RIBC2: variants seen among roughly 807,000 people sequenced by gnomAD.
The protein encoded by RIBC2 is RIB43A domain with coiled-coils 2.
RIBC2 carries 40 observed loss-of-function variants against 44.3 expected under a neutral mutation model. The ratio of observed to expected loss-of-function variants is 0.90; its 90% CI spans 0.70 to 1.18. The LOEUF (loss-of-function observed/expected upper bound fraction) is 1.18. RIBC2 is among the 50% of genes most tolerant of loss of function. RIBC2 has a pLI of 0.00. For synonymous variants in RIBC2, 171 were observed against 175.0 expected, an observed-to-expected ratio of 0.98 and a Z score of 0.18; for missense variants, 459 against 485.5, an observed-to-expected ratio of 0.95 and a Z score of 0.51.
chr22:45,422,455 G>T, intron 4 of RIBC2, 47 bp downstream of exon 4: 1 of 1,362,650 alleles, frequency 7.3e-7, no homozygotes, highest in South Asian at 1.2e-5. Context: ...AGGGGAGGAT[G>T]AGCCCACTAC....
At chr22:45,427,930 C>T (rs952078472) in intron 5 of RIBC2, among the ~76,000 whole-genome samples, 46 of 152,232 alleles carry the variant, frequency 3.0e-4, no homozygotes, top group African/African-American at 6.8e-4. Flanking sequence ...CCACCATGCC[C>T]GGCCCTACAG....
chr22:45,425,829 C>A, intron 4 of RIBC2, 119 bp from the exon 5 acceptor site: 1 of 829,266 alleles, frequency 1.2e-6, no homozygotes, highest in Non-Finnish European at 1.9e-6. Flanking sequence ...CTCCACCCGA[C>A]TCCTGCTGCC....
At chr22:45,416,223 TAC>T (rs936598606) in intron 2 of RIBC2, among the ~76,000 whole-genome samples, 1 of 152,182 alleles carries the variant, frequency 6.6e-6, no homozygotes, top group African/African-American at 2.4e-5. Flanking sequence ...ATGAATTAAC[TAC>T]AGTTTCTTCA....
intron 6 of RIBC2, 86 bp from the exon 7 acceptor site, chr22:45,432,198 T>G (rs1602124455): frequency 1.5e-6 from 1 of 686,418 alleles, no homozygotes; most frequent in East Asian, 2.8e-5. Context: ...AATAAAAAGT[T>G]TGTGTGCCTT....
intron 4 of RIBC2, 105 bp downstream of exon 4, chr22:45,422,513 C>T: frequency 1.2e-6 from 1 of 818,034 alleles, no homozygotes; most frequent in Admixed American, 1.9e-5. Flanking sequence ...TCTCAGCCTG[C>T]TCCCTGGTCA....
chr22:45,423,057 C>T (rs187870347), intron 4 of RIBC2, among the ~76,000 whole-genome samples: 193 of 152,282 alleles, frequency 1.3e-3, no homozygotes, highest in Non-Finnish European at 2.4e-3. Flanking sequence ...TCATGGCTCA[C>T]CGCAGCCTCG....
intron 4 of RIBC2, among the ~76,000 whole-genome samples, chr22:45,422,910 C>T (rs990164382): frequency 2.6e-5 from 4 of 152,014 alleles, no homozygotes; most frequent in Non-Finnish European, 5.9e-5. Flanking sequence ...CCCCTCCTCC[C>T]ACACACTCCC....
At chr22:45,421,618 A>G (rs367770253) in intron 3 of RIBC2, among the ~76,000 whole-genome samples, 5 of 147,274 alleles carry the variant, frequency 3.4e-5, no homozygotes, top group South Asian at 2.1e-4. Flanking sequence ...TAATAATGTT[A>G]TTATTCTGCA....
chr22:45,429,868 G>A (rs1182311671), intron 5 of RIBC2, among the ~76,000 whole-genome samples: 2 of 152,160 alleles, frequency 1.3e-5, no homozygotes, highest in Non-Finnish European at 2.9e-5. Context: ...TCCCCACTCA[G>A]AACTACTGCC....
chr22:45,418,477 G>A (rs563437391), intron 3 of RIBC2, among the ~76,000 whole-genome samples: 13 of 152,282 alleles, frequency 8.5e-5, no homozygotes, highest in Admixed American at 3.9e-4. Context: ...ACTGCAGAAA[G>A]CCCCATGTGT....
intron 4 of RIBC2, among the ~76,000 whole-genome samples, chr22:45,424,759 T>TC (rs998146494): frequency 7.4e-5 from 11 of 149,208 alleles, no homozygotes; most frequent in African/African-American, 2.2e-4. Flanking sequence ...TTTTCTTTTT[T>TC]TTTTTTTTTT....
In RIBC2 at chr22:45,426,091, G is replaced by T. The variant is rs117522247; in HGVS notation, c.819G>T (p.Val273=). 3.5e-5 allele frequency: 57 copies of T among 1,614,044 alleles called. 1 individual carries two copies. In the East Asian group the frequency reaches 1.2e-3, roughly 34 times the overall value. Residue 273 remains valine (V), a synonymous_variant, in exon 5 of 7, where the codon GTG becomes GTT. Coordinates refer to ENST00000614167, the MANE Select transcript of RIBC2 (RefSeq NM_015653.5). ...QAASSFGPHR[V]VPDRWKGMTQ... is the part of the protein sequence containing the mutation. ...CCAGCTCCTTCGGGCCCCACCGCGT[G>T]GTCCCTGACCGCTGGAAGGGCATGA... is the stretch of plus-strand genomic sequence containing the variant.
chr22:45,422,533 C>T (rs948566532), intron 4 of RIBC2, 125 bp downstream of exon 4: 1 of 729,464 alleles, frequency 1.4e-6, no homozygotes, highest in Non-Finnish European at 2.4e-6. Flanking sequence ...ACATGACCGG[C>T]CCTGACAGAG....
In RIBC2 at chr22:45,432,284, GA is replaced by G; in HGVS notation, c.1077del (p.Lys359AsnfsTer3). The G allele has an allele frequency of 2.0e-6, 3 of 1,526,102 alleles. No homozygotes were observed. The highest frequency in any genetic ancestry group is 1.4e-5 in the African/African-American group (1 of 71,712). The allele number at this position is 1,526,102 out of a possible 1,614,324, so 94.5% of individuals were successfully genotyped here. A position where few individuals can be genotyped will look rare whatever the true frequency, so the allele number is the denominator to read the frequency against. ...LSLAKEQHLQ[K>X]KYMNEVYTNQ... ...TTTTTTTTTCTCATTTTGTTATCAG[GA>G]AAAAATATATGAATGAAGTCTATAC... On this transcript the variant is annotated frameshift_variant and splice_region_variant, in exon 7 of 7. Coordinates refer to ENST00000614167, the MANE Select transcript of RIBC2 (RefSeq NM_015653.5). LOFTEE classifies it high-confidence loss of function.
chr22:45,417,899 A>C lies in RIBC2; in HGVS notation c.509A>C (p.Gln170Pro), dbSNP rs775431971. Reference sequence around the variant, plus strand: ...GAACAAAACAGAGAATGGTCTTTGCAGCAGCAAAGGGAATGGAAGAACGCC... The same window carrying C: ...GAACAAAACAGAGAATGGTCTTTGCCGCAGCAAAGGGAATGGAAGAACGCC... ...QEEQNREWSLQQQREWKNARA... is the reference protein window; with the variant it reads ...QEEQNREWSLPQQREWKNARA... Residue 170 changes from glutamine to proline, a missense_variant, in exon 3 of 7, where the codon CAG becomes CCG. Gln to Pro is a moderately conservative substitution (Grantham distance 76). Coordinates refer to ENST00000614167, the MANE Select transcript of RIBC2 (RefSeq NM_015653.5). 20 of 1,613,418 alleles carry C rather than the reference A, an allele frequency of 1.2e-5. No individual in the cohort carries two copies. The highest frequency in any genetic ancestry group is 1.7e-5 in the Non-Finnish European group (20 of 1,179,662).
intron 4 of RIBC2, 76 bp downstream of exon 4, chr22:45,422,484 G>A (rs535696152): frequency 1.0e-4 from 108 of 1,030,830 alleles, no homozygotes; most frequent in Admixed American, 3.7e-4. Flanking sequence ...AAGGCTCTCC[G>A]GCTTCCCTGG....
chr22:45,432,213 A>C (rs2087586750), intron 6 of RIBC2, 71 bp from the exon 7 acceptor site: 3 of 280,494 alleles, frequency 1.1e-5, no homozygotes, highest in Non-Finnish European at 1.5e-5. Flanking sequence ...TGCCTTTTCA[A>C]AAAAAAAAAA....
At chr22:45,430,534 C>G (rs2087569523) in intron 5 of RIBC2, among the ~76,000 whole-genome samples, 1 of 152,192 alleles carries the variant, frequency 6.6e-6, no homozygotes, top group Admixed American at 6.5e-5. Flanking sequence ...TGGCATCTGA[C>G]AGCTGACTGA....
chr22:45,431,402 G>A lies in RIBC2; in HGVS notation c.1070+336G>A, dbSNP rs376024885. Among the ~76,000 whole-genome samples the A allele has an allele frequency of 6.6e-5, 10 of 152,246 alleles. No individual in the cohort carries two copies. The South Asian group carries it at 8.3e-4, about 13-fold the overall frequency. On this transcript the variant is annotated intron_variant, in intron 6 of 6. Transcript: ENST00000614167. ...TGCCTATTCAGGGACGGCTTTCCAG[G>A]TAGAGAGAGGGGCTCCTGGGCTGCC...
Sources: allele counts gnomAD v4.1 joint callset (sites outside exome capture counted in the v4.1 genomes callset), GRCh38; gene constraint gnomAD v4.1.1; transcripts MANE v1.5; gene names NCBI Gene and HGNC (gene_info 2026-07-23, HGNC 2026-07-21).